SNX29: variants seen among roughly 807,000 people sequenced by gnomAD.
SNX29 encodes sorting nexin-29.
A neutral mutation model predicts 102.1 loss-of-function variants in SNX29; 78 were observed. That is an observed-to-expected ratio of 0.76 (90% CI 0.64 to 0.92). SNX29 has a LOEUF of 0.92. SNX29 is among the 40% of genes least tolerant of loss of function. The pLI is 0.00. For missense variants in SNX29, 1,280 were observed against 1,061.7 expected (o/e 1.21, Z -2.86); for synonymous variants, 580 against 414.5 (o/e 1.40, Z -4.85).
intron 19 of SNX29, among the ~76,000 whole-genome samples, 170 bp downstream of exon 19, chr16:12,478,029 G>A (rs1388249481): frequency 6.6e-6 from 1 of 152,234 alleles, no homozygotes; most frequent in Non-Finnish European, 1.5e-5. Context: ...ACCACCTAAA[G>A]ATGGTCACCA....
intron 14 of SNX29, among the ~76,000 whole-genome samples, chr16:12,204,723 T>C (rs1212003823): frequency 6.6e-6 from 1 of 152,156 alleles, no homozygotes; most frequent in Non-Finnish European, 1.5e-5. Context: ...AGCAAAAAAT[T>C]GGGAAGTCAT....
In SNX29 at chr16:12,354,859, A is replaced by G. The variant is rs2082087541; in HGVS notation, c.1783-1304A>G. 1.3e-5 allele frequency among the ~76,000 whole-genome samples: 2 copies of G among 152,244 alleles called. 1 individual carries two copies. The highest frequency in any genetic ancestry group is 4.8e-5 in the African/African-American group (2 of 41,458). Reference sequence around the variant, plus strand: ...TCTGTACAAAGAAAAAAGCTGGCAGAAAGGCTCAGTGACTTATTCTGCCTT... The same window carrying G: ...TCTGTACAAAGAAAAAAGCTGGCAGGAAGGCTCAGTGACTTATTCTGCCTT... On this transcript the variant is annotated intron_variant, in intron 15 of 20. Coordinates refer to ENST00000566228, the MANE Select transcript of SNX29 (RefSeq NM_032167.5).
At chr16:12,342,139 C>G (rs2081627177) in intron 15 of SNX29, among the ~76,000 whole-genome samples, 1 of 152,166 alleles carries the variant, frequency 6.6e-6, no homozygotes. Flanking sequence ...GTGGCCTAGG[C>G]AGGGAAGCAT....
At chr16:12,341,788 T>C (rs950241658) in intron 15 of SNX29, among the ~76,000 whole-genome samples, 20 of 152,188 alleles carry the variant, frequency 1.3e-4, no homozygotes, top group African/African-American at 4.8e-4. Context: ...TTGTGCCCTG[T>C]TGTGCAGAGG....
intron 11 of SNX29, among the ~76,000 whole-genome samples, chr16:12,122,533 C>A (rs1298657345): frequency 6.6e-6 from 1 of 152,088 alleles, no homozygotes; most frequent in Admixed American, 6.6e-5. Context: ...GGGGGCCAGG[C>A]CTTCCAGACA....
intron 20 of SNX29, among the ~76,000 whole-genome samples, chr16:12,535,116 G>T (rs768010939): frequency 6.6e-6 from 1 of 152,274 alleles, no homozygotes; most frequent in East Asian, 1.9e-4. Flanking sequence ...TTTAGCACCC[G>T]CCAGGGTCCA....
chr16:12,021,821 G>T (rs1255510048), intron 3 of SNX29, among the ~76,000 whole-genome samples: 1 of 151,632 alleles, frequency 6.6e-6, no homozygotes, highest in Non-Finnish European at 1.5e-5. Flanking sequence ...AACGTGGGTG[G>T]CAGAGGTTAC....
At position 12,454,814 on chromosome 16, in the gene SNX29, G is replaced by A. The variant is rs1453125385; in HGVS notation, c.2038-22905G>A. Among the ~76,000 whole-genome samples, 4 of 151,152 alleles carry A rather than the reference G, an allele frequency of 2.6e-5. No individual in the cohort carries two copies. In the East Asian group the frequency reaches 7.7e-4, roughly 29 times the overall value. ...GGCTCACTGCAACCTCTGCCTCCCA[G>A]GTTCAGGCACTTCTGCCTCAGCCTC... On this transcript the variant is annotated intron_variant, in intron 18 of 20. Coordinates refer to ENST00000566228, the MANE Select transcript of SNX29 (RefSeq NM_032167.5).
chr16:12,572,418 G>A lies in SNX29; in HGVS notation c.*3789G>A. On this transcript the variant is annotated 3_prime_UTR_variant, in exon 21 of 21. Transcript: ENST00000566228. ...GCCTGAGGCAGGGCTCTGTGGCCCA[G>A]GCCGGCAGTGGCTGCCTCTCTTGGT... The A allele has an allele frequency of 9.4e-6, 10 of 1,063,928 alleles. No individual in the cohort carries two copies. The highest frequency in any genetic ancestry group is 1.1e-5 in the Non-Finnish European group (10 of 878,394). The allele number at this position is 1,063,928 out of a possible 1,614,324, so 65.9% of individuals were successfully genotyped here. A position where few individuals can be genotyped will look rare whatever the true frequency, so the allele number is the denominator to read the frequency against.
chr16:12,388,793 A>G (rs2083424375), intron 16 of SNX29, among the ~76,000 whole-genome samples: 1 of 152,222 alleles, frequency 6.6e-6, no homozygotes, highest in South Asian at 2.1e-4. Context: ...AAAATGAATG[A>G]GAGTCCTTGA....
At chr16:12,421,569 T>A (rs953452069) in intron 18 of SNX29, among the ~76,000 whole-genome samples, 8 of 152,222 alleles carry the variant, frequency 5.3e-5, no homozygotes, top group African/African-American at 1.9e-4. Context: ...ACTAGAATTT[T>A]CCTATCAGAG....
Position 12,525,307 on chromosome 16 carries a change from C to T in SNX29, c.2318+466C>T, listed in dbSNP as rs1022529209. 4.6e-5 allele frequency among the ~76,000 whole-genome samples: 7 copies of T among 151,262 alleles called. No homozygotes were observed. The South Asian group carries it at 1.3e-3, about 27-fold the overall frequency. ...AATGAACATTAATATTATTTAAATGCCTTCTTCTCTCTTGAAAAAAGTAAA... is the reference window on the plus strand; with the variant it reads ...AATGAACATTAATATTATTTAAATGTCTTCTTCTCTCTTGAAAAAAGTAAA... On this transcript the variant is annotated intron_variant, in intron 20 of 20. Coordinates refer to ENST00000566228, the MANE Select transcript of SNX29 (RefSeq NM_032167.5).
chr16:12,346,484 C>A lies in SNX29; in HGVS notation c.1783-9679C>A, dbSNP rs930629745. Among the ~76,000 whole-genome samples the A allele has an allele frequency of 3.3e-5, 5 of 152,136 alleles. 1 individual carries two copies. The South Asian group carries it at 1.0e-3, about 32-fold the overall frequency. ...GGTGGAGGTAAGTTGCCCAAAGTCA[C>A]ATCTAGGGAGTCAGGAATGGTGGGT... On this transcript the variant is annotated intron_variant, in intron 15 of 20. Transcript: ENST00000566228.
intron 11 of SNX29, among the ~76,000 whole-genome samples, chr16:12,116,374 T>C (rs949228852): frequency 4.6e-5 from 7 of 152,162 alleles, no homozygotes; most frequent in Non-Finnish European, 8.8e-5. Context: ...ATGATTCAGC[T>C]ATAAAAGGAA....
chr16:12,538,207 C>T (rs189530036), intron 20 of SNX29, among the ~76,000 whole-genome samples: 8 of 152,102 alleles, frequency 5.3e-5, no homozygotes, highest in Non-Finnish European at 1.2e-4. Context: ...GCTCTGTGTT[C>T]TGGGTTCATG....
intron 20 of SNX29, among the ~76,000 whole-genome samples, chr16:12,540,251 CCAGCGT>C (rs1474848348): frequency 6.6e-6 from 1 of 152,142 alleles, no homozygotes; most frequent in Non-Finnish European, 1.5e-5. Flanking sequence ...CCCCCCACCC[CCAGCGT>C]AAGGTCAAGT....
chr16:12,532,072 C>T (rs1460547117), intron 20 of SNX29, among the ~76,000 whole-genome samples: 1 of 152,136 alleles, frequency 6.6e-6, no homozygotes, highest in East Asian at 1.9e-4. Flanking sequence ...TTTACAGGAA[C>T]CAGGACAGGA....
chr16:12,552,934 T>C lies in SNX29; in HGVS notation c.2319-15572T>C, dbSNP rs540287107. On this transcript the variant is annotated intron_variant, in intron 20 of 20. Transcript: ENST00000566228. ...CAGCAGAGCTGATTGCTCCTGGCCT[T>C]ATATGCCACGTCATCAGGAACATGG... Among the ~76,000 whole-genome samples the C allele has an allele frequency of 2.6e-4, 40 of 152,324 alleles. 1 individual carries two copies. Among genetic ancestry groups the C allele is most frequent in the African/African-American group, 9.6e-4 (40 of 41,578 alleles).
chr16:12,199,322 A>AGC (rs1244468929), intron 13 of SNX29, among the ~76,000 whole-genome samples: 1 of 152,206 alleles, frequency 6.6e-6, no homozygotes, highest in Non-Finnish European at 1.5e-5. Flanking sequence ...AAACAGCCTA[A>AGC]GCACAGCCTG....
Sources: allele counts gnomAD v4.1 joint callset (sites outside exome capture counted in the v4.1 genomes callset), GRCh38; gene constraint gnomAD v4.1.1; transcripts MANE v1.5; gene names NCBI Gene and HGNC (gene_info 2026-07-23, HGNC 2026-07-21).